The following PPME1 variants were observed in gnomAD, a reference collection of about 807,000 sequenced individuals.
The protein encoded by PPME1 is testicular secretory protein Li 39.
Under a neutral mutation model 56.9 loss-of-function variants are expected in PPME1, and 17 were observed. The ratio of observed to expected loss-of-function variants is 0.30; its 90% CI spans 0.20 to 0.45. The LOEUF (loss-of-function observed/expected upper bound fraction) is 0.45. Among genes scored for constraint, PPME1 ranks in the 20% least tolerant of loss-of-function variants. The pLI is 1.00. For missense variants in PPME1, 357 were observed against 483.2 expected (o/e 0.74, Z 2.45); for synonymous variants, 122 against 156.2 (o/e 0.78, Z 1.63).
intron 1 of PPME1, among the ~76,000 whole-genome samples, chr11:74,201,169 GT>G (rs1239279522): frequency 7.9e-5 from 12 of 152,036 alleles, no homozygotes; most frequent in Middle Eastern, 3.4e-3. Context: ...TAGAGACGGG[GT>G]TTCACCGTGT....
intron 10 of PPME1, 53 bp from the exon 11 acceptor site, chr11:74,247,026 C>T: frequency 6.9e-7 from 1 of 1,457,394 alleles, no homozygotes. Flanking sequence ...ACACTTTTTA[C>T]TTAATACGTG....
At chr11:74,214,662 G>C (rs1196562485) in intron 3 of PPME1, among the ~76,000 whole-genome samples, 2 of 149,972 alleles carry the variant, frequency 1.3e-5, no homozygotes, top group Non-Finnish European at 2.9e-5. Context: ...GGGGAGAGTG[G>C]CATAACATAT....
chr11:74,182,258 A>T (rs1406601512), intron 1 of PPME1, among the ~76,000 whole-genome samples: 1 of 152,200 alleles, frequency 6.6e-6, no homozygotes, highest in Non-Finnish European at 1.5e-5. Flanking sequence ...AAATGAGATG[A>T]TTTATGTGTA....
In PPME1 at chr11:74,230,867, C is replaced by A; in HGVS notation, c.554-45C>A. 7.1e-7 allele frequency: 1 copy of A among 1,406,594 alleles called. No individual in the cohort carries two copies. The highest frequency in any genetic ancestry group is 2.4e-5 in the East Asian group (1 of 41,134). 87.1% of individuals were successfully genotyped at this position (1,406,594 alleles called of 1,614,324 possible). A position where few individuals can be genotyped will look rare whatever the true frequency, so the allele number is the denominator to read the frequency against. On this transcript the variant is annotated intron_variant, in intron 6 of 13. Coordinates refer to ENST00000328257, the MANE Select transcript of PPME1 (RefSeq NM_016147.3). The surrounding 1 kb of genome is among the most constrained non-coding windows in gnomAD (Gnocchi z 4.9). ...AGTTGACTCAGTAAGTGTAAATGCT[C>A]AGAATAAGTTAAATATGTGGTTACA...
chr11:74,251,476 G>A (rs2135685426), intron 12 of PPME1, 172 bp from the exon 13 acceptor site: 1 of 1,433,106 alleles, frequency 7.0e-7, no homozygotes, highest in Non-Finnish European at 9.1e-7. Context: ...TAGTGGGGAG[G>A]AGTCTTCTAG....
At chr11:74,249,954 T>C (rs1859612122) in intron 11 of PPME1, 1 of 152,222 alleles carries the variant, frequency 6.6e-6, no homozygotes, top group African/African-American at 2.4e-5. Flanking sequence ...ATTAATGAAG[T>C]GGCCTTGGGC....
chr11:74,185,501 C>T (rs1274067101), intron 1 of PPME1, among the ~76,000 whole-genome samples: 1 of 151,978 alleles, frequency 6.6e-6, no homozygotes, highest in Non-Finnish European at 1.5e-5. Flanking sequence ...ATGCCACACA[C>T]GTTGATTTTG....
At chr11:74,178,247 C>T (rs1055391205) in intron 1 of PPME1, among the ~76,000 whole-genome samples, 4 of 152,162 alleles carry the variant, frequency 2.6e-5, no homozygotes, top group African/African-American at 9.7e-5. Context: ...AAGCGGGGGC[C>T]AAAGTCCTTT....
chr11:74,222,228 G>C, intron 3 of PPME1, 84 bp from the exon 4 acceptor site: 1 of 1,057,384 alleles, frequency 9.5e-7, no homozygotes, highest in Non-Finnish European at 1.4e-6. Context: ...TTTGATGGCA[G>C]TTCATTTTAC....
At chr11:74,237,275 C>CTTT (rs763251745) in intron 8 of PPME1, among the ~76,000 whole-genome samples, 2 of 128,012 alleles carry the variant, frequency 1.6e-5, no homozygotes, top group South Asian at 2.4e-4. Flanking sequence ...GTCTGGTTGT[C>CTTT]TTTTTTTTTT....
chr11:74,181,098 G>A (rs1252782533), intron 1 of PPME1, among the ~76,000 whole-genome samples: 1 of 137,316 alleles, frequency 7.3e-6, no homozygotes, highest in Non-Finnish European at 1.5e-5. Context: ...ACTGCGGACT[G>A]CAGTGGCGCA....
intron 1 of PPME1, among the ~76,000 whole-genome samples, chr11:74,173,709 T>G (rs1304152786): frequency 6.6e-6 from 1 of 152,028 alleles, no homozygotes; most frequent in Non-Finnish European, 1.5e-5. Context: ...GCCCGGCTAA[T>G]TTTTGTATTT....
At chr11:74,188,190 CTT>C (rs557437447) in intron 1 of PPME1, among the ~76,000 whole-genome samples, 16 of 136,712 alleles carry the variant, frequency 1.2e-4, no homozygotes, top group Admixed American at 1.5e-4. Context: ...TCCTTTTTCT[CTT>C]TTTTTTTTTT....
At chr11:74,200,597 G>A (rs1858135638) in intron 1 of PPME1, among the ~76,000 whole-genome samples, 1 of 152,050 alleles carries the variant, frequency 6.6e-6, no homozygotes, top group Admixed American at 6.6e-5. Context: ...TGAGCAGGCT[G>A]GTCTCGAACT....
chr11:74,246,297 C>G (rs1859501630), intron 10 of PPME1, 92 bp downstream of exon 10: 1 of 1,308,784 alleles, frequency 7.6e-7, no homozygotes, highest in Non-Finnish European at 1.0e-6. Context: ...TTTATTTTCT[C>G]ACAGTTCTGG....
At chr11:74,240,388 AAT>A (rs1430777801) in intron 9 of PPME1, among the ~76,000 whole-genome samples, 8 of 152,214 alleles carry the variant, frequency 5.3e-5, no homozygotes, top group African/African-American at 1.9e-4. Flanking sequence ...GGGTTGTATA[AAT>A]AGTGTTTTAT....
chr11:74,247,800 T>C (rs1334337703), intron 11 of PPME1: 5 of 152,544 alleles, frequency 3.3e-5, no homozygotes, highest in African/African-American at 1.2e-4. Flanking sequence ...ATTTTTCTTA[T>C]TGTTAGAAGT....
At chr11:74,194,588 C>A in intron 1 of PPME1, among the ~76,000 whole-genome samples, 1 of 151,040 alleles carries the variant, frequency 6.6e-6, no homozygotes, top group Non-Finnish European at 1.5e-5. Flanking sequence ...AATAATTATA[C>A]ACTATGATTG....
Position 74,203,713 on chromosome 11 carries a change from C to CT in PPME1, c.102-7dup, listed in dbSNP as rs778619360. ...CATAATTTTTCTGAAATGTCTCTCT[C>CT]TTTTTTTTCCTCAGCCCTGGAAGAA... is the stretch of plus-strand genomic sequence containing the variant. On this transcript the variant is annotated splice_polypyrimidine_tract_variant and intron_variant, in intron 1 of 13. Transcript: ENST00000328257. 35 of 1,591,220 alleles carry CT rather than the reference C, an allele frequency of 2.2e-5. No homozygotes were observed. The highest frequency in any genetic ancestry group is 1.0e-4 in the Admixed American group (6 of 57,260).
Sources: gnomAD v4.1 joint callset for allele counts (sites outside exome capture counted in the v4.1 genomes callset) on GRCh38, gnomAD v4.1.1 for gene constraint, Gnocchi (gnomAD v3.1) non-coding constraint, MANE v1.5 for transcripts, NCBI Gene and HGNC (gene_info 2026-07-23, HGNC 2026-07-21) for gene names.